The following AMPH variants were observed in gnomAD, a reference collection of about 807,000 sequenced individuals.
The protein encoded by AMPH is amphiphysin, also known as amphiphysin (Stiff-Mann syndrome with breast cancer 128kD autoantigen).
Under a neutral mutation model 99.1 loss-of-function variants are expected in AMPH, and 49 were observed. That is an observed-to-expected ratio of 0.49 (90% confidence interval 0.39 to 0.63). The LOEUF is 0.63. Ranked by LOEUF, AMPH falls within the 20% of genes least tolerant of loss-of-function variation. The pLI, the probability that AMPH is intolerant of heterozygous loss-of-function variation, is 0.00. For synonymous variants in AMPH, 314 were observed against 317.3 expected, an observed-to-expected ratio of 0.99 and a Z score of 0.11; for missense variants, 759 against 863.4, an observed-to-expected ratio of 0.88 and a Z score of 1.52.
chr7:38,540,875 T>C (rs968787687), intron 1 of AMPH, among the ~76,000 whole-genome samples: 17 of 151,648 alleles, frequency 1.1e-4, no homozygotes, highest in African/African-American at 4.1e-4. Context: ...ATCCATTTGA[T>C]GAGGGCTCCA....
At chr7:38,514,280 C>T (rs1789653704) in intron 2 of AMPH, among the ~76,000 whole-genome samples, 2 of 152,192 alleles carry the variant, frequency 1.3e-5, no homozygotes, top group Non-Finnish European at 2.9e-5. Context: ...AAATTCATGC[C>T]TCAATAGTTA....
chr7:38,430,036 G>T (rs10253674), intron 13 of AMPH, 171 bp from the exon 14 acceptor site: 497,341 of 585,828 alleles, frequency 0.85, 212,220 homozygotes, highest in Non-Finnish European at 0.88. Context: ...TTCCAAAATT[G>T]TTTAAGACCA....
At chr7:38,459,543 C>G (rs563083705) in intron 11 of AMPH, among the ~76,000 whole-genome samples, 1 of 152,186 alleles carries the variant, frequency 6.6e-6, no homozygotes, top group East Asian at 1.9e-4. Context: ...AATAAATCCA[C>G]ATTTTGACAG....
intron 12 of AMPH, among the ~76,000 whole-genome samples, chr7:38,432,857 C>T (rs1786088163): frequency 1.3e-5 from 2 of 152,144 alleles, no homozygotes; most frequent in South Asian, 4.1e-4. Flanking sequence ...AGAGCACCCC[C>T]TAAGACATGA....
At chr7:38,615,199 G>A (rs1056977917) in intron 1 of AMPH, among the ~76,000 whole-genome samples, 4 of 152,092 alleles carry the variant, frequency 2.6e-5, no homozygotes, top group Non-Finnish European at 4.4e-5. Context: ...ATTCATCTCT[G>A]TGCTTCAGTC....
intron 18 of AMPH, chr7:38,392,646 A>G (rs1784543595): frequency 6.6e-6 from 1 of 152,644 alleles, no homozygotes; most frequent in Non-Finnish European, 1.5e-5. Context: ...CGGCCTCCCA[A>G]AGTGCTGGGA....
chr7:38,560,702 T>C (rs998043608), intron 1 of AMPH, among the ~76,000 whole-genome samples: 4 of 152,190 alleles, frequency 2.6e-5, no homozygotes, highest in Non-Finnish European at 5.9e-5. Context: ...TTTGTGTTGT[T>C]TGCAGCCTAC....
intron 1 of AMPH, among the ~76,000 whole-genome samples, chr7:38,571,737 G>A (rs965935703): frequency 3.3e-5 from 5 of 151,612 alleles, no homozygotes; most frequent in African/African-American, 1.2e-4. Flanking sequence ...AGTGAAGAAA[G>A]AGAAGTATGA....
At chr7:38,464,357 C>A (rs1167196690) in intron 9 of AMPH, among the ~76,000 whole-genome samples, 1 of 152,180 alleles carries the variant, frequency 6.6e-6, no homozygotes, top group East Asian at 1.9e-4. Context: ...AACAGTAACT[C>A]TGCCTCTCTT....
intron 3 of AMPH, among the ~76,000 whole-genome samples, chr7:38,501,635 G>C (rs372376915): frequency 2.0e-5 from 3 of 151,350 alleles, no homozygotes; most frequent in African/African-American, 7.3e-5. Flanking sequence ...TTATTATTTT[G>C]GCCATTTTTA....
Position 38,436,403 on chromosome 7 carries a change from A to G in AMPH, c.1018-15T>C. 1 of 1,584,260 alleles carries G rather than the reference A, an allele frequency of 6.3e-7. No homozygotes were observed. On this transcript the variant is annotated splice_polypyrimidine_tract_variant and intron_variant, in intron 11 of 20. Coordinates refer to ENST00000356264, the MANE Select transcript of AMPH (RefSeq NM_001635.4). ...GGGACTTCATTCTGTTAAAGCAAAC[A>G]ACAAAACAAAATAAAACATGTATTA...
intron 5 of AMPH, 134 bp downstream of exon 5, chr7:38,490,916 G>T: frequency 5.2e-6 from 3 of 581,750 alleles, no homozygotes; most frequent in Non-Finnish European, 6.1e-6. Flanking sequence ...AAAATCCCAC[G>T]CTTAAATAAA....
intron 1 of AMPH, among the ~76,000 whole-genome samples, chr7:38,553,910 G>A (rs921482120): frequency 6.6e-6 from 1 of 152,210 alleles, no homozygotes; most frequent in African/African-American, 2.4e-5. Flanking sequence ...GTTGTTAGGA[G>A]TATTGAGCTT....
chr7:38,535,529 A>G (rs908447351), intron 1 of AMPH, among the ~76,000 whole-genome samples: 2 of 152,188 alleles, frequency 1.3e-5, no homozygotes, highest in Non-Finnish European at 2.9e-5. Context: ...TGGTTTCAGG[A>G]TGACTGAAGC....
intron 1 of AMPH, among the ~76,000 whole-genome samples, chr7:38,535,321 T>C (rs976818193): frequency 1.3e-5 from 2 of 152,356 alleles, no homozygotes; most frequent in African/African-American, 4.8e-5. Flanking sequence ...AGACAGAAGC[T>C]ATGCCTTATT....
At chr7:38,456,350 G>T (rs1787232196) in intron 11 of AMPH, among the ~76,000 whole-genome samples, 1 of 152,160 alleles carries the variant, frequency 6.6e-6, no homozygotes, top group African/African-American at 2.4e-5. Context: ...TTGTCAGCAG[G>T]CTGGAAACCA....
intron 1 of AMPH, among the ~76,000 whole-genome samples, chr7:38,589,959 T>C (rs1792795484): frequency 6.6e-6 from 1 of 152,166 alleles, no homozygotes; most frequent in Non-Finnish European, 1.5e-5. Context: ...TGAGTTCTTG[T>C]TGCTCGAAAT....
At chr7:38,555,425 A>T (rs1791329812) in intron 1 of AMPH, among the ~76,000 whole-genome samples, 1 of 152,066 alleles carries the variant, frequency 6.6e-6, no homozygotes, top group Admixed American at 6.6e-5. Context: ...AAATACATAC[A>T]TTCATAAATA....
At chr7:38,517,340 A>G (rs956978920) in intron 2 of AMPH, among the ~76,000 whole-genome samples, 3 of 152,276 alleles carry the variant, frequency 2.0e-5, no homozygotes, top group South Asian at 2.1e-4. Context: ...TGCCATTCTC[A>G]TAATAGTGAG....
Sources: allele counts gnomAD v4.1 joint callset (sites outside exome capture counted in the v4.1 genomes callset), GRCh38; gene constraint gnomAD v4.1.1; transcripts MANE v1.5; gene names NCBI Gene and HGNC (gene_info 2026-07-23, HGNC 2026-07-21).